The following MAPK6 variants were observed in gnomAD, a reference collection of about 807,000 sequenced individuals.
MAPK6 encodes ERK-3.
In MAPK6, 19 loss-of-function variants were observed where a neutral mutation model predicts 59.3. The ratio of observed to expected loss-of-function variants is 0.32; its 90% CI spans 0.22 to 0.47. The LOEUF (loss-of-function observed/expected upper bound fraction) is 0.47, where lower values mean the gene tolerates loss of function less well. Ranked by LOEUF, MAPK6 falls within the 20% of genes least tolerant of loss-of-function variation. MAPK6 has a pLI of 1.00. For synonymous variants in MAPK6, 316 were observed against 290.3 expected (o/e 1.09, Z -0.90); for missense variants, 724 against 847.9 (o/e 0.85, Z 1.81).
intron 2 of MAPK6, among the ~76,000 whole-genome samples, chr15:51,996,358 G>A (rs1170224622): frequency 6.6e-6 from 1 of 152,116 alleles, no homozygotes; most frequent in Admixed American, 6.6e-5. Context: ...GACTTTGGCT[G>A]TGTCCCCTGG....
chr15:51,973,671 A>T (rs1336493841), intron 1 of MAPK6, among the ~76,000 whole-genome samples: 2 of 150,184 alleles, frequency 1.3e-5, no homozygotes, highest in Admixed American at 1.3e-4. Context: ...TTTTTTTTTT[A>T]AACAGAGTTT....
At chr15:51,976,649 A>G (rs985779703) in intron 1 of MAPK6, among the ~76,000 whole-genome samples, 3 of 151,844 alleles carry the variant, frequency 2.0e-5, no homozygotes, top group Non-Finnish European at 4.4e-5. Flanking sequence ...AATTGTCTTT[A>G]AAATCCTGAA....
intron 1 of MAPK6, chr15:52,020,067 C>T (rs910653047): frequency 6.6e-6 from 1 of 152,316 alleles, no homozygotes; most frequent in Non-Finnish European, 1.5e-5. Flanking sequence ...TCCTAATTTC[C>T]TCCCTCGGCC....
intron 1 of MAPK6, among the ~76,000 whole-genome samples, chr15:52,021,180 G>T (rs1391343957): frequency 6.6e-6 from 1 of 152,164 alleles, no homozygotes. Context: ...TAAAAGTGTT[G>T]CAGTGCTTTA....
intron 2 of MAPK6, among the ~76,000 whole-genome samples, chr15:52,049,351 AT>A (rs60965378): frequency 0.73 from 80,050 of 109,696 alleles, 29,632 homozygotes; most frequent in South Asian, 0.85. Flanking sequence ...GAGTTATATA[AT>A]TTTTTTTTTT....
chr15:51,998,687 A>ATTTTTTTTTATTTTTTTTTTTTTT (rs2057233209), intron 2 of MAPK6, among the ~76,000 whole-genome samples: 1 of 38,472 alleles, frequency 2.6e-5, no homozygotes, highest in Non-Finnish European at 4.6e-5. Context: ...TGCCTGGTTA[A>ATTTTTTTTTATTTTTTTTTTTTTT]TTTTTTTTTT....
At chr15:52,036,663 C>T (rs529586352) in intron 1 of MAPK6, among the ~76,000 whole-genome samples, 42 of 152,338 alleles carry the variant, frequency 2.8e-4, no homozygotes, top group African/African-American at 9.4e-4. Context: ...AAGCATGGCA[C>T]GGGCCTAGTG....
intron 1 of MAPK6, among the ~76,000 whole-genome samples, chr15:52,045,579 A>G (rs2031570457): frequency 6.6e-6 from 1 of 152,210 alleles, no homozygotes; most frequent in Admixed American, 6.5e-5. Context: ...CAGAAATGGT[A>G]CAACCTAATG....
intron 3 of MAPK6, among the ~76,000 whole-genome samples, chr15:52,010,816 G>C (rs1054995011): frequency 2.6e-5 from 4 of 152,222 alleles, no homozygotes; most frequent in African/African-American, 9.6e-5. Context: ...ACCGCGCCTG[G>C]CGGAGGGGAT....
chr15:51,978,919 A>G lies in MAPK6; in HGVS notation c.-879-4287A>G, dbSNP rs185229606. Among the ~76,000 whole-genome samples, 7 of 151,374 alleles carry G rather than the reference A, an allele frequency of 4.6e-5. No homozygotes were observed. In the East Asian group the frequency reaches 1.4e-3, roughly 29 times the overall value. On this transcript the variant is annotated intron_variant, in intron 1 of 7. Transcript: ENST00000691380. ...GCAGATCGTTTGAGTCCAGGAGTTCAAGACCAGCCTGGGCAACATAGTGAG... is the reference window on the plus strand; with the variant it reads ...GCAGATCGTTTGAGTCCAGGAGTTCGAGACCAGCCTGGGCAACATAGTGAG...
intron 2 of MAPK6, among the ~76,000 whole-genome samples, chr15:51,984,688 G>GC (rs1202861983): frequency 6.6e-6 from 1 of 151,854 alleles, no homozygotes; most frequent in African/African-American, 2.4e-5. Context: ...CAGTTCTCCG[G>GC]GGGGGAAGAA....
chr15:52,001,913 T>C (rs1021158410), intron 2 of MAPK6, among the ~76,000 whole-genome samples: 1 of 152,148 alleles, frequency 6.6e-6, no homozygotes, highest in African/African-American at 2.4e-5. Flanking sequence ...CAGATGTCCC[T>C]GTCCCATGTG....
Position 52,064,796 on chromosome 15 carries a change from G to T in MAPK6, c.1962G>T (p.Glu654Asp). ...TEPVEDGKLGERGHEEGFLNN... is the reference protein window; with the variant it reads ...TEPVEDGKLGDRGHEEGFLNN... ...CAGTAGAGGATGGGAAGCTTGGGGAGAGAGGACATGAGGAAGGATTTCTGA... is the reference window on the plus strand; with the variant it reads ...CAGTAGAGGATGGGAAGCTTGGGGATAGAGGACATGAGGAAGGATTTCTGA... Residue 654 changes from glutamate (E) to aspartate (D), a missense_variant, in exon 6 of 6, where the codon GAG becomes GAT. By Grantham distance (45) the Glu-to-Asp change is conservative. This residue lies in a region of MAPK6 where 502 missense variants were observed against 507.6 expected (regional missense o/e 0.99). Coordinates refer to ENST00000261845, the MANE Select transcript of MAPK6 (RefSeq NM_002748.4). 1 of 1,611,956 alleles carries T rather than the reference G, an allele frequency of 6.2e-7. No homozygotes were observed. The highest frequency in any genetic ancestry group is 8.5e-7 in the Non-Finnish European group (1 of 1,179,828).
chr15:52,040,501 A>G (rs937811485), intron 1 of MAPK6, among the ~76,000 whole-genome samples: 1 of 152,060 alleles, frequency 6.6e-6, no homozygotes, highest in Non-Finnish European at 1.5e-5. Context: ...AGTAACCTTT[A>G]TGTTTATGGC....
At chr15:51,978,257 C>T (rs1299937328) in intron 1 of MAPK6, among the ~76,000 whole-genome samples, 27 of 151,672 alleles carry the variant, frequency 1.8e-4, no homozygotes, top group African/African-American at 4.8e-4. Flanking sequence ...CTCAGCCTCC[C>T]GACTAGCTGG....
At chr15:51,978,848 T>C (rs2057164706) in intron 1 of MAPK6, among the ~76,000 whole-genome samples, 1 of 151,736 alleles carries the variant, frequency 6.6e-6, no homozygotes, top group Non-Finnish European at 1.5e-5. Flanking sequence ...GGGCCAAGCA[T>C]GGTGGTTCAC....
At chr15:52,006,818 T>C (rs2029900003) in intron 3 of MAPK6, among the ~76,000 whole-genome samples, 1 of 152,108 alleles carries the variant, frequency 6.6e-6, no homozygotes, top group Non-Finnish European at 1.5e-5. Context: ...TTTACCTGGG[T>C]CTAACAAATA....
chr15:52,030,611 CTTTTTTTTTTTTTTTTT>C lies in MAPK6; in HGVS notation c.-632+11249_-632+11265del, dbSNP rs11295636. On this transcript the variant is annotated intron_variant, in intron 1 of 5. Transcript: ENST00000261845. ...TGTGTTTTAGTTATGCAGAAGAAGGCTTTTTTTTTTTTTTTTTTTTTTTTTTTTTTGAGGCAGAGTCT... is the reference window on the plus strand; with the variant it reads ...TGTGTTTTAGTTATGCAGAAGAAGGCTTTTTTTTTTTTTGAGGCAGAGTCT... Among the ~76,000 whole-genome samples the C allele has an allele frequency of 8.4e-4, 30 of 35,748 alleles. No homozygotes were observed. The East Asian group carries it at 0.026, about 31-fold the overall frequency. 23.5% of individuals were successfully genotyped at this position (35,748 alleles called of 152,430 possible).
intron 1 of MAPK6, among the ~76,000 whole-genome samples, chr15:52,029,999 G>T (rs2030965239): frequency 6.6e-6 from 1 of 152,138 alleles, no homozygotes. Context: ...TCAGAATCCT[G>T]CCTCATGTGT....
Sources: gnomAD v4.1 joint callset for allele counts (sites outside exome capture counted in the v4.1 genomes callset) on GRCh38, gnomAD v4.1.1 for gene constraint, gnomAD v4.1.1 regional missense constraint, MANE v1.5 for transcripts, NCBI Gene and HGNC (gene_info 2026-07-23, HGNC 2026-07-21) for gene names.